Variants in FAM78B observed in about 807,000 individuals in gnomAD.
The protein encoded by FAM78B is protein FAM78B.
FAM78B carries 10 observed loss-of-function variants against 20.0 expected under a neutral mutation model. The observed-to-expected ratio is 0.50, with a 90% CI of 0.31 to 0.85. FAM78B has a LOEUF of 0.85. Ranked by LOEUF, FAM78B falls within the 40% of genes least tolerant of loss-of-function variation. The pLI is 0.05. For synonymous variants in FAM78B, 135 were observed against 132.8 expected, an observed-to-expected ratio of 1.02 and a Z score of -0.12; for missense variants, 283 against 345.0, an observed-to-expected ratio of 0.82 and a Z score of 1.42.
chr1:166,146,173 C>CT (rs1240005219), intron 1 of FAM78B, among the ~76,000 whole-genome samples: 3 of 152,174 alleles, frequency 2.0e-5, no homozygotes, highest in Non-Finnish European at 4.4e-5. Flanking sequence ...CAGGGGGATG[C>CT]TTTAAAACAT....
intron 1 of FAM78B, among the ~76,000 whole-genome samples, chr1:166,092,606 C>T (rs1653120468): frequency 6.6e-6 from 1 of 152,148 alleles, no homozygotes; most frequent in Admixed American, 6.5e-5. Context: ...CCCCTTTATC[C>T]CATGCTCCTC....
chr1:166,084,233 ACACACTCTCT>A (rs1473358550), intron 1 of FAM78B, among the ~76,000 whole-genome samples: 9 of 123,556 alleles, frequency 7.3e-5, no homozygotes, highest in South Asian at 2.8e-4. Context: ...ACACACACAC[ACACACTCTCT>A]CTCTCTCTCT....
At chr1:166,159,614 C>A (rs1656065350) in intron 1 of FAM78B, among the ~76,000 whole-genome samples, 1 of 152,142 alleles carries the variant, frequency 6.6e-6, no homozygotes, top group Non-Finnish European at 1.5e-5. Context: ...TGGAAGGTCA[C>A]TGATACTTTG....
chr1:166,065,875 TG>T (rs1439186152), downstream of FAM78B, among the ~76,000 whole-genome samples: 5 of 152,222 alleles, frequency 3.3e-5, no homozygotes, highest in African/African-American at 9.6e-5. Context: ...AGGCATTCAT[TG>T]GGTTTTTGAT....
intron 1 of FAM78B, among the ~76,000 whole-genome samples, chr1:166,107,317 A>T (rs1388835289): frequency 6.6e-6 from 1 of 152,208 alleles, no homozygotes; most frequent in African/African-American, 2.4e-5. Context: ...AAAACAGGAG[A>T]TATTACAACT....
At chr1:166,102,612 G>A (rs1653575067) in intron 1 of FAM78B, among the ~76,000 whole-genome samples, 1 of 152,102 alleles carries the variant, frequency 6.6e-6, no homozygotes, top group Admixed American at 6.5e-5. Context: ...AGACAAAGAA[G>A]GCCATTACAT....
downstream of FAM78B, chr1:166,057,364 C>G (rs1346521768): frequency 6.6e-6 from 1 of 152,178 alleles, no homozygotes; most frequent in African/African-American, 2.4e-5. Context: ...CTGGGGCCAT[C>G]CCCAGGTTTT....
At chr1:166,164,648 A>G (rs963112259) in intron 1 of FAM78B, 1 of 152,224 alleles carries the variant, frequency 6.6e-6, no homozygotes, top group East Asian at 1.9e-4. Context: ...CGACCTGTCA[A>G]ATTTCTTTTA....
chr1:166,060,787 C>T (rs900225193), intron 2 of FAM78B: 2 of 478,992 alleles, frequency 4.2e-6, no homozygotes, highest in African/African-American at 2.0e-5. Flanking sequence ...GGGGAGATGA[C>T]CCTGAAATTT....
chr1:166,114,196 G>C (rs1389007002), intron 1 of FAM78B, among the ~76,000 whole-genome samples: 1 of 152,190 alleles, frequency 6.6e-6, no homozygotes, highest in South Asian at 2.1e-4. Context: ...TTTTTGAGGT[G>C]CTAACACATG....
intron 1 of FAM78B, among the ~76,000 whole-genome samples, chr1:166,084,237 A>ACACACACACACACACACACACACACTCT (rs771421402): frequency 2.4e-5 from 3 of 125,416 alleles, no homozygotes; most frequent in Admixed American, 1.7e-4. Flanking sequence ...ACACACACAC[A>ACACACACACACACACACACACACACTCT]CTCTCTCTCT....
chr1:166,153,635 T>C (rs1025013304), intron 1 of FAM78B, among the ~76,000 whole-genome samples: 2 of 152,048 alleles, frequency 1.3e-5, no homozygotes, highest in Non-Finnish European at 2.9e-5. Flanking sequence ...CTGGTCCCAG[T>C]GCAAGCTTAG....
chr1:166,086,029 T>A (rs1451334429), intron 1 of FAM78B, among the ~76,000 whole-genome samples: 1 of 151,820 alleles, frequency 6.6e-6, no homozygotes, highest in Non-Finnish European at 1.5e-5. Context: ...GGCAGTCTAC[T>A]AAATTCTTGC....
intron 1 of FAM78B, among the ~76,000 whole-genome samples, chr1:166,111,065 A>C (rs928989144): frequency 6.6e-6 from 1 of 152,172 alleles, no homozygotes; most frequent in Non-Finnish European, 1.5e-5. Flanking sequence ...GGAAAGTGTA[A>C]GGTCTCTGTG....
intron 1 of FAM78B, among the ~76,000 whole-genome samples, chr1:166,112,857 C>A (rs1028676853): frequency 6.6e-6 from 1 of 152,080 alleles, no homozygotes; most frequent in Non-Finnish European, 1.5e-5. Context: ...ATGTGGAAAC[C>A]CAGGTGCAGA....
At chr1:166,110,116 G>C (rs1028665027) in intron 1 of FAM78B, among the ~76,000 whole-genome samples, 17 of 150,706 alleles carry the variant, frequency 1.1e-4, no homozygotes, top group Non-Finnish European at 2.2e-4. Context: ...TGGGGACTTG[G>C]GGGGAAGTAG....
intron 1 of FAM78B, among the ~76,000 whole-genome samples, chr1:166,137,396 T>C (rs1258332823): frequency 2.0e-5 from 3 of 152,236 alleles, no homozygotes; most frequent in African/African-American, 7.2e-5. Flanking sequence ...CCTATTTATT[T>C]TATAGATAAT....
Position 166,060,446 on chromosome 1 carries a change from C to T in FAM78B, c.*627G>A, listed in dbSNP as rs753761679. ...GGGCCAAGCAGGCAGCCCAATCAGC[C>T]CAGGGCAAGTGCCACATGGCTCGTG... On this transcript the variant is annotated 3_prime_UTR_variant and NMD_transcript_variant, in exon 3 of 3. Coordinates refer to the FAM78B transcript ENST00000435676. The T allele has an allele frequency of 1.4e-4, 68 of 473,558 alleles. No homozygotes were observed. The Middle Eastern group carries it at 5.8e-3, about 40-fold the overall frequency. The allele number at this position is 473,558 out of a possible 1,614,324, so 29.3% of individuals were successfully genotyped here. A position where few individuals can be genotyped will look rare whatever the true frequency, so the allele number is the denominator to read the frequency against.
intron 1 of FAM78B, among the ~76,000 whole-genome samples, chr1:166,110,701 T>A (rs2101758183): frequency 6.6e-6 from 1 of 152,262 alleles, no homozygotes; most frequent in Non-Finnish European, 1.5e-5. Flanking sequence ...GTCTCTGCTT[T>A]TAGAGAGTAG....
Sources: gnomAD v4.1 joint callset for allele counts (sites outside exome capture counted in the v4.1 genomes callset) on GRCh38, gnomAD v4.1.1 for gene constraint, MANE v1.5 for transcripts, NCBI Gene and HGNC (gene_info 2026-07-23, HGNC 2026-07-21) for gene names.